Variants in TP53BP2 observed in about 807,000 individuals in gnomAD.
TP53BP2 encodes the protein tumor protein p53 binding protein 2, also known as apoptosis-stimulating of p53 protein 2.
TP53BP2 carries 62 observed loss-of-function variants against 126.2 expected under a neutral mutation model. That is an observed-to-expected ratio of 0.49 (90% CI 0.40 to 0.61). The LOEUF (loss-of-function observed/expected upper bound fraction) is 0.61, where lower values mean the gene tolerates loss of function less well. Among genes scored for constraint, TP53BP2 ranks in the 20% least tolerant of loss-of-function variants. The pLI is 0.00. For synonymous variants in TP53BP2, 485 were observed against 502.9 expected, an observed-to-expected ratio of 0.96 and a Z score of 0.48; for missense variants, 1,215 against 1,402.8, an observed-to-expected ratio of 0.87 and a Z score of 2.14.
At chr1:223,782,337 T>C (rs1461070553) in intron 17 of TP53BP2, among the ~76,000 whole-genome samples, 1 of 152,100 alleles carries the variant, frequency 6.6e-6, no homozygotes, top group South Asian at 2.1e-4. Flanking sequence ...TAAGAAACTA[T>C]ACAAAAGGGC....
chr1:223,793,241 T>C (rs2102840633), intron 14 of TP53BP2, 62 bp downstream of exon 14: 9 of 1,270,032 alleles, frequency 7.1e-6, no homozygotes, highest in South Asian at 6.2e-5. Context: ...AATTATACTC[T>C]AGCCTGGATG....
At chr1:223,828,674 C>G (rs762637032) in intron 1 of TP53BP2, among the ~76,000 whole-genome samples, 12 of 152,180 alleles carry the variant, frequency 7.9e-5, no homozygotes, top group Non-Finnish European at 1.5e-4. Context: ...GGTACTGATA[C>G]ACGCTACCGC....
At position 223,806,456 on chromosome 1, in the gene TP53BP2, T is replaced by C. The variant is rs189677119; in HGVS notation, c.474+390A>G. Among the ~76,000 whole-genome samples, 45 of 152,260 alleles carry C rather than the reference T, an allele frequency of 3.0e-4. 1 individual carries two copies. The South Asian group carries it at 5.8e-3, about 20-fold the overall frequency. ...ATGTTACCTCATATCTGTGAGGTAA[T>C]TGGCTTAATGGGGGTAGAATGTAAA... On this transcript the variant is annotated intron_variant, in intron 5 of 17. Transcript: ENST00000343537.
intron 4 of TP53BP2, 64 bp downstream of exon 4, chr1:223,810,367 G>A: frequency 2.5e-6 from 3 of 1,205,322 alleles, no homozygotes; most frequent in South Asian, 3.4e-5. Flanking sequence ...TAATGAATAA[G>A]ATTTAAAGTT....
chr1:223,826,288 T>A (rs1399213099), intron 1 of TP53BP2, among the ~76,000 whole-genome samples: 1 of 152,040 alleles, frequency 6.6e-6, no homozygotes, highest in African/African-American at 2.4e-5. Context: ...GGACAGAGGG[T>A]CGTTATTAAA....
chr1:223,814,496 C>T (rs920720971), intron 2 of TP53BP2, 143 bp from the exon 3 acceptor site: 7 of 626,968 alleles, frequency 1.1e-5, no homozygotes, highest in African/African-American at 5.5e-5. Context: ...CATTAAAACA[C>T]GTCTTAGAAA....
chr1:223,792,403 A>C lies in TP53BP2; in HGVS notation c.2982T>G (p.Ala994=). The change falls in exon 15 of 18, where the codon GCT becomes GCG. Residue 994 remains alanine (A), a synonymous_variant. Coordinates refer to ENST00000343537, the MANE Select transcript of TP53BP2 (RefSeq NM_001031685.3). ...LVQFGVNVNA[A]DSDGWTPLHC... ...GAAAATCTTACCATCCATCACTATCAGCAGCATTTACATTTACACCAAACT... is the reference window on the plus strand; with the variant it reads ...GAAAATCTTACCATCCATCACTATCCGCAGCATTTACATTTACACCAAACT... 1 of 1,610,910 alleles carries C rather than the reference A, an allele frequency of 6.2e-7. No individual in the cohort carries two copies. Among genetic ancestry groups the C allele is most frequent in the Non-Finnish European group, 8.5e-7 (1 of 1,178,484 alleles).
chr1:223,814,870 A>T (rs1458275426), intron 2 of TP53BP2, among the ~76,000 whole-genome samples: 1 of 152,192 alleles, frequency 6.6e-6, no homozygotes, highest in East Asian at 1.9e-4. Flanking sequence ...TTTCCAAATA[A>T]AAGTCTATTT....
At chr1:223,838,725 C>T (rs1332904457) in intron 1 of TP53BP2, among the ~76,000 whole-genome samples, 2 of 152,218 alleles carry the variant, frequency 1.3e-5, no homozygotes, top group Admixed American at 6.5e-5. Context: ...CAACCTAATA[C>T]ATCATCAACT....
chr1:223,815,528 G>C (rs1477326479), intron 2 of TP53BP2, among the ~76,000 whole-genome samples: 1 of 152,170 alleles, frequency 6.6e-6, no homozygotes, highest in African/African-American at 2.4e-5. Flanking sequence ...GGAGCAAAGA[G>C]AGAACTCAAA....
At chr1:223,792,342 C>T (rs775380506) in intron 15 of TP53BP2, 47 bp downstream of exon 15, 6 of 1,558,948 alleles carry the variant, frequency 3.8e-6, no homozygotes, top group African/African-American at 1.4e-5. Context: ...GCTTATAAAC[C>T]GATTCCCACA....
chr1:223,821,644 G>C (rs962186905), intron 1 of TP53BP2, among the ~76,000 whole-genome samples: 1 of 152,124 alleles, frequency 6.6e-6, no homozygotes, highest in Admixed American at 6.5e-5. Flanking sequence ...TTTTATTCAT[G>C]TTGTTTGCCA....
chr1:223,838,306 G>T (rs1005225676), intron 1 of TP53BP2, among the ~76,000 whole-genome samples: 2 of 152,158 alleles, frequency 1.3e-5, no homozygotes, highest in African/African-American at 4.8e-5. Context: ...TTGTTGAGCA[G>T]ATGTTATCCC....
At chr1:223,822,422 T>C (rs1450960670) in intron 1 of TP53BP2, among the ~76,000 whole-genome samples, 2 of 151,904 alleles carry the variant, frequency 1.3e-5, no homozygotes, top group African/African-American at 2.4e-5. Context: ...TCCCAACACT[T>C]TGGGAGGCCA....
intron 1 of TP53BP2, among the ~76,000 whole-genome samples, chr1:223,842,140 A>G (rs1664121708): frequency 6.6e-6 from 1 of 152,010 alleles, no homozygotes. Context: ...GGGTTTCACC[A>G]TGTTGGTCAG....
intron 13 of TP53BP2, among the ~76,000 whole-genome samples, chr1:223,795,597 A>C (rs960580948): frequency 6.6e-6 from 1 of 152,202 alleles, no homozygotes; most frequent in Non-Finnish European, 1.5e-5. Context: ...GATAAGAACA[A>C]AACTCTGTTT....
intron 17 of TP53BP2, 83 bp downstream of exon 17, chr1:223,784,032 C>T (rs1197162210): frequency 8.3e-7 from 1 of 1,202,510 alleles, no homozygotes; most frequent in Non-Finnish European, 1.2e-6. Context: ...CAGTTTGGTG[C>T]ACTGTACACA....
rs777144912 is a variant in TP53BP2, at chr1:223,802,763, T to C, written c.964A>G (p.Lys322Glu). The change falls in exon 8 of 18, where the codon AAG (lysine) becomes GAG (glutamate). Residue 322 changes from lysine (K) to glutamate (E), a missense_variant. This residue lies in a region of TP53BP2 where 814 missense variants were observed against 853.0 expected (regional missense o/e 0.95). Transcript: ENST00000343537. ...NELRDRLWKK[K>E]AALQQKENLP... ...TTTTCTTTTTGCTGTAGAGCTGCCT[T>C]CTTCTTCCACAGCCGGTCCCTCAGC... The C allele has an allele frequency of 1.9e-6, 3 of 1,614,172 alleles. No individual in the cohort carries two copies. Among genetic ancestry groups the C allele is most frequent in the Non-Finnish European group, 2.5e-6 (3 of 1,180,016 alleles).
chr1:223,805,467 AG>A (rs1422759746), intron 5 of TP53BP2, among the ~76,000 whole-genome samples: 3 of 152,222 alleles, frequency 2.0e-5, no homozygotes, highest in Admixed American at 2.0e-4. Context: ...CACGATCCCC[AG>A]GTGATTCATA....
Sources: gnomAD v4.1 joint callset for allele counts (sites outside exome capture counted in the v4.1 genomes callset) on GRCh38, gnomAD v4.1.1 for gene constraint, gnomAD v4.1.1 regional missense constraint, MANE v1.5 for transcripts, NCBI Gene and HGNC (gene_info 2026-07-23, HGNC 2026-07-21) for gene names.